ECE1: variants seen among roughly 807,000 people sequenced by gnomAD.
ECE1 encodes the protein endothelin-converting enzyme 1.
A neutral mutation model predicts 98.6 loss-of-function variants in ECE1; 35 were observed. The observed-to-expected ratio is 0.35, with a 90% CI of 0.27 to 0.47. The LOEUF (loss-of-function observed/expected upper bound fraction) is 0.47. ECE1 is among the 20% of genes least tolerant of loss of function. ECE1 has a pLI of 1.00. For synonymous variants in ECE1, 394 were observed against 407.1 expected (o/e 0.97, Z 0.39); for missense variants, 814 against 1,025.3 (o/e 0.79, Z 2.81).
In ECE1 at chr1:21,319,353, A is replaced by AATAATCATAATC. The variant is rs375109003; in HGVS notation, c.3+26011_3+26022dup. 1.3e-5 allele frequency among the ~76,000 whole-genome samples: 2 copies of AATAATCATAATC among 150,002 alleles called. No individual in the cohort carries two copies. The highest frequency in any genetic ancestry group is 3.0e-5 in the Non-Finnish European group (2 of 67,424). ...GAGCGAGACTCCGTCTCAAAATAAT[A>AATAATCATAATC]ATAATCATAATCATAATCATAATCA... is the stretch of plus-strand genomic sequence containing the variant. On this transcript the variant is annotated intron_variant, in intron 1 of 18. Coordinates refer to the ECE1 transcript ENST00000415912. The surrounding 1 kb of genome is among the most constrained non-coding windows in gnomAD (Gnocchi z 4.4).
chr1:21,249,342 CA>C (rs984504006), intron 8 of ECE1, among the ~76,000 whole-genome samples: 197 of 135,504 alleles, frequency 1.5e-3, no homozygotes, highest in Admixed American at 1.7e-3. Context: ...GACTCCATCT[CA>C]AAAAAAAAAA....
rs1376227095 is a variant in ECE1, at chr1:21,225,273, C to T, written c.2017G>A (p.Gly673Arg). 4 of 1,614,074 alleles carry T rather than the reference C, an allele frequency of 2.5e-6. No individual in the cohort carries two copies. The highest frequency in any genetic ancestry group is 1.7e-5 in the Admixed American group (1 of 60,006). Residue 673 changes from glycine (G) to arginine (R), a missense_variant, in exon 17 of 19, where the codon GGG (glycine) becomes AGG (arginine). Gly to Arg is a moderately radical substitution (Grantham distance 125). This residue lies in a region of ECE1 where 452 missense variants were observed against 567.3 expected (regional missense o/e 0.80). Transcript: ENST00000374893. This position sits in a 1 kb window ranked among gnomAD's most constrained non-coding sequence, Gnocchi z 5.3. ...HTLGENIADN[G>R]GLKAAYRAYQ... ...ACCCGATAGGCCGCCTTGAGACCCC[C>T]GTTGTCGGCGATGTTCTCCCCCAGG...
chr1:21,309,715 C>T (rs961549077), intron 1 of ECE1, among the ~76,000 whole-genome samples: 1 of 151,934 alleles, frequency 6.6e-6, no homozygotes, highest in African/African-American at 2.4e-5. Flanking sequence ...GAAGCCTCTT[C>T]AATCAGGACC....
Position 21,225,129 on chromosome 1 carries a change from G to T in ECE1, c.2040+121C>A. The T allele has an allele frequency of 1.5e-6, 2 of 1,348,090 alleles. No individual in the cohort carries two copies. Among genetic ancestry groups the T allele is most frequent in the Non-Finnish European group, 1.0e-6 (1 of 979,510 alleles). The allele number at this position is 1,348,090 out of a possible 1,614,324, so 83.5% of individuals were successfully genotyped here. A position where few individuals can be genotyped will look rare whatever the true frequency, so the allele number is the denominator to read the frequency against. On this transcript the variant is annotated intron_variant, in intron 17 of 18. Transcript: ENST00000374893. This position sits in a 1 kb window ranked among gnomAD's most constrained non-coding sequence, Gnocchi z 5.3. Reference sequence around the variant, plus strand: ...TCGCCACCCCCAATTTCGCAGAAGAGGAAACGGAAGCTCGCACGGCTGCTG... The same window carrying T: ...TCGCCACCCCCAATTTCGCAGAAGATGAAACGGAAGCTCGCACGGCTGCTG...
chr1:21,265,447 G>A (rs1204362210), intron 4 of ECE1, among the ~76,000 whole-genome samples: 4 of 152,186 alleles, frequency 2.6e-5, no homozygotes, highest in East Asian at 1.9e-4. Flanking sequence ...CACAAGAATC[G>A]CTTGAACCCA....
In ECE1 at chr1:21,345,454, C is replaced by T; in HGVS notation, c.-76G>A. ...GATTCCCAGCTCCGGGTTCCCTGCTCCCAGCCCAGCTGCTCGGACGGCTCG... is the reference window on the plus strand; with the variant it reads ...GATTCCCAGCTCCGGGTTCCCTGCTTCCAGCCCAGCTGCTCGGACGGCTCG... On this transcript the variant is annotated 5_prime_UTR_variant, in exon 1 of 19. Coordinates refer to the ECE1 transcript ENST00000415912. The surrounding 1 kb of genome is among the most constrained non-coding windows in gnomAD (Gnocchi z 5.1). 1 of 1,230,812 alleles carries T rather than the reference C, an allele frequency of 8.1e-7. No individual in the cohort carries two copies. Among genetic ancestry groups the T allele is most frequent in the Non-Finnish European group, 1.0e-6 (1 of 964,878 alleles). The allele number at this position is 1,230,812 out of a possible 1,614,324, so 76.2% of individuals were successfully genotyped here. A position where few individuals can be genotyped will look rare whatever the true frequency, so the allele number is the denominator to read the frequency against.
chr1:21,272,094 C>A (rs748422499), intron 4 of ECE1, among the ~76,000 whole-genome samples: 23 of 152,170 alleles, frequency 1.5e-4, no homozygotes, highest in Non-Finnish European at 3.4e-4. Context: ...ATGCCACACA[C>A]ACCATGCTAA....
chr1:21,254,563 C>T lies in ECE1; in HGVS notation c.1020+1384G>A, dbSNP rs2098217497. On this transcript the variant is annotated intron_variant, in intron 8 of 18. Transcript: ENST00000374893. ...TGCTGGGCTGATGTGCTCAGGGCTC[C>T]TGTGCCTTCTCCGCTATTCCTGGCA... Among the ~76,000 whole-genome samples, 3 of 152,188 alleles carry T rather than the reference C, an allele frequency of 2.0e-5. No individual in the cohort carries two copies. In the South Asian group the frequency reaches 6.2e-4, roughly 31 times the overall value.
At chr1:21,248,986 C>T (rs1461344369) in intron 8 of ECE1, among the ~76,000 whole-genome samples, 4 of 152,086 alleles carry the variant, frequency 2.6e-5, no homozygotes, top group Non-Finnish European at 4.4e-5. Context: ...CCAGCTGGTG[C>T]TTTCCCCACG....
chr1:21,244,938 C>T, intron 10 of ECE1, 51 bp downstream of exon 10: 1 of 1,560,326 alleles, frequency 6.4e-7, no homozygotes, highest in Non-Finnish European at 8.8e-7. Context: ...GACACCTTGG[C>T]ATAAAGTAGG....
intron 2 of ECE1, among the ~76,000 whole-genome samples, chr1:21,281,527 A>G (rs938931988): frequency 1.3e-5 from 2 of 152,180 alleles, no homozygotes; most frequent in Non-Finnish European, 2.9e-5. Context: ...TCTGGTACTC[A>G]GAGGGGTCCC....
chr1:21,298,931 C>T (rs1156657275), intron 1 of ECE1: 2 of 455,428 alleles, frequency 4.4e-6, no homozygotes, highest in Non-Finnish European at 4.4e-6. Context: ...AGCAGCTGGT[C>T]CTGACTCCAG....
intron 1 of ECE1, among the ~76,000 whole-genome samples, chr1:21,344,680 C>T (rs1027936876): frequency 6.6e-6 from 1 of 152,186 alleles, no homozygotes; most frequent in Non-Finnish European, 1.5e-5. Flanking sequence ...GTACTCCTGC[C>T]TATCGCAGTC....
intron 11 of ECE1, 63 bp from the exon 12 acceptor site, chr1:21,236,907 A>G: frequency 7.0e-7 from 1 of 1,423,454 alleles, no homozygotes; most frequent in South Asian, 1.1e-5. Flanking sequence ...TGCAACAGGC[A>G]CCCCGTGCAG....
chr1:21,321,141 G>A (rs971929810), intron 1 of ECE1, among the ~76,000 whole-genome samples: 4 of 152,214 alleles, frequency 2.6e-5, no homozygotes, highest in Non-Finnish European at 1.5e-5. Flanking sequence ...AAGGGTCCCA[G>A]AGCTAGTGCG....
At chr1:21,247,091 G>T (rs1434528512) in intron 9 of ECE1, 130 bp downstream of exon 9, 4 of 1,287,384 alleles carry the variant, frequency 3.1e-6, no homozygotes, top group Non-Finnish European at 3.4e-6. Flanking sequence ...AGGATGTCCT[G>T]CTGCCTCTCG....
In ECE1 at chr1:21,279,214, G is replaced by GGC. The variant is rs1365835479; in HGVS notation, c.256_257insGC (p.Ala86GlyfsTer16). 4 of 1,614,050 alleles carry GGC rather than the reference G, an allele frequency of 2.5e-6. No homozygotes were observed. Among genetic ancestry groups the GGC allele is most frequent in the Non-Finnish European group, 3.4e-6 (4 of 1,180,046 alleles). ...ACTTGTCTGGTACTGGATGCCCAGT[G>GGC]CTGCCAAGCAGGCCACCAGTCCTGC... On this transcript the variant is annotated frameshift_variant, in exon 3 of 19. Transcript: ENST00000374893. LOFTEE classifies it high-confidence loss of function.
intron 17 of ECE1, among the ~76,000 whole-genome samples, chr1:21,224,975 C>T (rs1327574590): frequency 2.0e-5 from 3 of 152,194 alleles, no homozygotes; most frequent in Non-Finnish European, 4.4e-5. Context: ...TGAGAACAGG[C>T]AGGCTCTTCA....
chr1:21,312,530 C>T (rs1157619412), intron 1 of ECE1, among the ~76,000 whole-genome samples: 1 of 152,178 alleles, frequency 6.6e-6, no homozygotes, highest in Non-Finnish European at 1.5e-5. Flanking sequence ...GCAGGAGGAT[C>T]GCTTGAGCTC....
Sources: gnomAD v4.1 joint callset for allele counts (sites outside exome capture counted in the v4.1 genomes callset) on GRCh38, gnomAD v4.1.1 for gene constraint, gnomAD v4.1.1 regional missense constraint, Gnocchi (gnomAD v3.1) non-coding constraint, MANE v1.5 for transcripts, NCBI Gene and HGNC (gene_info 2026-07-23, HGNC 2026-07-21) for gene names.